Variants in GPC6 observed in about 807,000 individuals in gnomAD.
GPC6 encodes glypican-6.
Under a neutral mutation model 55.2 loss-of-function variants are expected in GPC6, and 14 were observed. The observed-to-expected ratio is 0.25, with a 90% CI of 0.17 to 0.40. The LOEUF (loss-of-function observed/expected upper bound fraction) is 0.40. Among genes scored for constraint, GPC6 ranks in the 10% least tolerant of loss-of-function variants. The pLI, the probability that GPC6 is intolerant of heterozygous loss-of-function variation, is 1.00. For missense variants in GPC6, 641 were observed against 708.5 expected, an observed-to-expected ratio of 0.90 and a Z score of 1.08; for synonymous variants, 278 against 259.6, an observed-to-expected ratio of 1.07 and a Z score of -0.68.
At chr13:93,504,482 G>GTTTTTT (rs55771607) in intron 1 of GPC6, among the ~76,000 whole-genome samples, 2 of 129,980 alleles carry the variant, frequency 1.5e-5, no homozygotes, top group African/African-American at 2.9e-5. Context: ...AAACAACATA[G>GTTTTTT]TTTTTTTTTT....
chr13:94,080,527 T>C (rs1463714833), intron 4 of GPC6, among the ~76,000 whole-genome samples: 2 of 152,198 alleles, frequency 1.3e-5, no homozygotes, highest in Admixed American at 6.5e-5. Context: ...AATATTTTTT[T>C]TCATTCTAAG....
chr13:93,492,888 G>C (rs1880083246), intron 1 of GPC6, among the ~76,000 whole-genome samples: 1 of 145,616 alleles, frequency 6.9e-6, no homozygotes, highest in Admixed American at 6.9e-5. Context: ...GATCATGGTG[G>C]ATAAGCTTTT....
At chr13:94,226,121 A>G (rs984490155) in intron 4 of GPC6, among the ~76,000 whole-genome samples, 2 of 152,174 alleles carry the variant, frequency 1.3e-5, no homozygotes, top group African/African-American at 4.8e-5. Context: ...TCTTACCATC[A>G]TTATGAGGAA....
At chr13:94,326,179 A>C (rs1212431429) in intron 6 of GPC6, among the ~76,000 whole-genome samples, 1 of 150,852 alleles carries the variant, frequency 6.6e-6, no homozygotes, top group Admixed American at 6.6e-5. Flanking sequence ...TCTTCCACTA[A>C]GATCAGGTAT....
At chr13:93,816,754 A>G (rs1192505429) in intron 2 of GPC6, among the ~76,000 whole-genome samples, 1 of 152,110 alleles carries the variant, frequency 6.6e-6, no homozygotes, top group Non-Finnish European at 1.5e-5. Context: ...TATATTCTTC[A>G]ACCAATTGTA....
At chr13:93,601,467 C>G (rs1238669361) in intron 2 of GPC6, among the ~76,000 whole-genome samples, 1 of 152,114 alleles carries the variant, frequency 6.6e-6, no homozygotes, top group African/African-American at 2.4e-5. Flanking sequence ...AATAGATGAG[C>G]ATTTAATCCA....
chr13:93,313,791 C>G (rs1401745465), intron 1 of GPC6, among the ~76,000 whole-genome samples: 1 of 152,034 alleles, frequency 6.6e-6, no homozygotes, highest in African/African-American at 2.4e-5. Flanking sequence ...CTCAGTCTCT[C>G]AAGTAGCTGG....
At chr13:93,496,927 AT>A (rs1222447847) in intron 1 of GPC6, among the ~76,000 whole-genome samples, 17 of 152,168 alleles carry the variant, frequency 1.1e-4, no homozygotes, top group Middle Eastern at 3.4e-3. Context: ...CAGATTTATA[AT>A]TTTTTTTCCT....
intron 2 of GPC6, among the ~76,000 whole-genome samples, chr13:93,631,950 A>T (rs114484471): frequency 5.8e-4 from 88 of 152,308 alleles, no homozygotes; most frequent in African/African-American, 2.1e-3. Flanking sequence ...CTATCATGTT[A>T]TACCTCCTTG....
At chr13:93,351,363 A>T (rs1011389966) in intron 1 of GPC6, among the ~76,000 whole-genome samples, 1 of 152,134 alleles carries the variant, frequency 6.6e-6, no homozygotes, top group African/African-American at 2.4e-5. Flanking sequence ...GCTACCCTGC[A>T]AAGTGGATGA....
At chr13:94,236,583 G>A (rs1246848256) in intron 4 of GPC6, among the ~76,000 whole-genome samples, 1 of 152,134 alleles carries the variant, frequency 6.6e-6, no homozygotes, top group Non-Finnish European at 1.5e-5. Flanking sequence ...AAGATTGAAG[G>A]GAGTAAGAAT....
chr13:93,418,607 C>T (rs1031730580), intron 1 of GPC6, among the ~76,000 whole-genome samples: 28 of 149,890 alleles, frequency 1.9e-4, no homozygotes, highest in African/African-American at 5.1e-4. Flanking sequence ...AGCACTATAC[C>T]GTAGTATCAT....
intron 2 of GPC6, among the ~76,000 whole-genome samples, chr13:93,733,515 A>G (rs532574808): frequency 5.8e-4 from 87 of 150,714 alleles, no homozygotes; most frequent in Non-Finnish European, 7.4e-4. Flanking sequence ...GGCATAAAAT[A>G]TATATAAATA....
intron 3 of GPC6, among the ~76,000 whole-genome samples, chr13:93,846,920 A>G (rs1888200812): frequency 6.6e-6 from 1 of 152,214 alleles, no homozygotes; most frequent in South Asian, 2.1e-4. Flanking sequence ...CATTATTCTC[A>G]TATTTAAGAT....
intron 1 of GPC6, among the ~76,000 whole-genome samples, chr13:93,275,052 G>A (rs1877679356): frequency 6.6e-6 from 1 of 152,134 alleles, no homozygotes; most frequent in Non-Finnish European, 1.5e-5. Context: ...CTGAATTTAA[G>A]TACCTGGGCA....
At chr13:93,452,630 C>T (rs1273318767) in intron 1 of GPC6, among the ~76,000 whole-genome samples, 1 of 152,210 alleles carries the variant, frequency 6.6e-6, no homozygotes, top group Admixed American at 6.5e-5. Context: ...TGTAGTGGCA[C>T]TTTGGCCCAT....
intron 2 of GPC6, among the ~76,000 whole-genome samples, chr13:93,640,313 A>T (rs558036672): frequency 1.3e-5 from 2 of 152,150 alleles, no homozygotes; most frequent in African/African-American, 4.8e-5. Flanking sequence ...AAAAATAATT[A>T]TCAAGTATTG....
At chr13:93,397,277 C>T (rs1266470169) in intron 1 of GPC6, among the ~76,000 whole-genome samples, 1 of 152,144 alleles carries the variant, frequency 6.6e-6, no homozygotes, top group African/African-American at 2.4e-5. Context: ...CAGCAATGTA[C>T]AAAGGTTCCA....
At chr13:94,336,645 C>CAT (rs1877719251) in intron 6 of GPC6, among the ~76,000 whole-genome samples, 1 of 152,008 alleles carries the variant, frequency 6.6e-6, no homozygotes, top group Non-Finnish European at 1.5e-5. Flanking sequence ...AGTGACCTTC[C>CAT]GTGAAAGAGA....
Sources: allele counts gnomAD v4.1 joint callset (sites outside exome capture counted in the v4.1 genomes callset), GRCh38; gene constraint gnomAD v4.1.1; transcripts MANE v1.5; gene names NCBI Gene and HGNC (gene_info 2026-07-23, HGNC 2026-07-21).